The following TEX11 variants were observed in gnomAD, a reference collection of about 807,000 sequenced individuals.
The protein encoded by TEX11 is testis expressed 11, also known as testis-expressed protein 11.
Under a neutral mutation model 84.4 loss-of-function variants are expected in TEX11, and 7 were observed. The ratio of observed to expected loss-of-function variants is 0.08; its 90% confidence interval spans 0.05 to 0.16. TEX11 has a LOEUF of 0.16. Ranked by LOEUF, TEX11 falls within the 10% of genes least tolerant of loss-of-function variation. The pLI, the probability that TEX11 is intolerant of heterozygous loss-of-function variation, is 1.00. For missense variants in TEX11, 551 were observed against 660.5 expected (o/e 0.83, Z 1.82); for synonymous variants, 264 against 222.8 (o/e 1.18, Z -1.64).
At chrX:70,674,269 A>G (rs769478500) in intron 15 of TEX11, among the ~76,000 whole-genome samples, 1 of 112,354 alleles carries the variant, frequency 8.9e-6, no homozygotes, top group South Asian at 3.8e-4. Context: ...TATGGTGTAT[A>G]TGTACCACAT....
intron 13 of TEX11, among the ~76,000 whole-genome samples, chrX:70,690,849 T>A (rs2090228686): frequency 9.0e-6 from 1 of 110,832 alleles, no homozygotes; most frequent in African/African-American, 3.3e-5. Context: ...ATTGGCAGCA[T>A]AGACTAAAAA....
chrX:70,564,459 T>C (rs1428335090), intron 25 of TEX11, among the ~76,000 whole-genome samples: 1 of 109,992 alleles, frequency 9.1e-6, no homozygotes, highest in Non-Finnish European at 1.9e-5. Context: ...AATGTGCAGG[T>C]TAGTTACATA....
chrX:70,515,065 TCA>T, the TEX11 span, among the ~76,000 whole-genome samples: 145 of 87,579 alleles, frequency 1.7e-3, no homozygotes, highest in East Asian at 7.1e-3. Context: ...TGAAACTCGG[TCA>T]CACACACACA....
chrX:70,717,714 C>A (rs1020249638), intron 13 of TEX11, among the ~76,000 whole-genome samples: 2 of 111,881 alleles, frequency 1.8e-5, no homozygotes, highest in African/African-American at 3.2e-5. Context: ...TATGCTCTTG[C>A]TATAAAATTA....
At chrX:70,706,409 A>T (rs1213702272) in intron 13 of TEX11, among the ~76,000 whole-genome samples, 1 of 110,773 alleles carries the variant, frequency 9.0e-6, no homozygotes, top group Non-Finnish European at 1.9e-5. Flanking sequence ...ATACATATGT[A>T]ACAAACCTGC....
chrX:70,777,641 C>T (rs2091010688), intron 9 of TEX11, among the ~76,000 whole-genome samples: 5 of 111,556 alleles, frequency 4.5e-5, no homozygotes, highest in African/African-American at 1.3e-4. Context: ...AAGAGCAAAA[C>T]TCCATCTCAA....
chrX:70,553,246 T>C, intron 27 of TEX11, 60 bp downstream of exon 27: 1 of 769,258 alleles, frequency 1.3e-6, no homozygotes, highest in South Asian at 2.8e-5. Context: ...GATTGGTTAC[T>C]TTTGAGGCAT....
chrX:70,552,276 A>G (rs766255169), intron 27 of TEX11, 30 bp from the exon 28 acceptor site: 4 of 1,196,817 alleles, frequency 3.3e-6, no homozygotes, highest in African/African-American at 3.5e-5. Flanking sequence ...AACTCATCCC[A>G]TAAGGAAAGA....
intron 11 of TEX11, among the ~76,000 whole-genome samples, chrX:70,731,447 C>T (rs374486719): frequency 5.5e-5 from 6 of 109,967 alleles, no homozygotes; most frequent in Admixed American, 1.9e-4. Flanking sequence ...ATCAAATAGA[C>T]GCAATAAAAA....
intron 13 of TEX11, among the ~76,000 whole-genome samples, chrX:70,710,968 G>T (rs2090425867): frequency 9.3e-6 from 1 of 107,439 alleles, no homozygotes; most frequent in Non-Finnish European, 1.9e-5. Context: ...GCCCCAGTGT[G>T]TGATGTTCCT....
chrX:70,855,302 C>T (rs773046022), intron 5 of TEX11, among the ~76,000 whole-genome samples: 27 of 110,129 alleles, frequency 2.5e-4, no homozygotes, highest in Admixed American at 6.8e-4. Context: ...TGGTGGCTCA[C>T]GCCTGTAACC....
At chrX:70,830,774 A>C (rs183889623) in intron 8 of TEX11, among the ~76,000 whole-genome samples, 2 of 112,196 alleles carry the variant, frequency 1.8e-5, no homozygotes, top group East Asian at 5.6e-4. Context: ...ATCACCTCAC[A>C]TCTGTTAGAA....
At chrX:70,691,516 G>A (rs1401328032) in intron 13 of TEX11, among the ~76,000 whole-genome samples, 2 of 111,617 alleles carry the variant, frequency 1.8e-5, no homozygotes, top group East Asian at 5.6e-4. Context: ...GTGCAACAAA[G>A]TGAATAAACG....
intron 13 of TEX11, among the ~76,000 whole-genome samples, chrX:70,687,755 A>G (rs772197725): frequency 1.8e-5 from 2 of 111,106 alleles, no homozygotes; most frequent in Non-Finnish European, 3.8e-5. Flanking sequence ...CTGAAGTGGG[A>G]GGACTGCTTG....
intron 13 of TEX11, among the ~76,000 whole-genome samples, chrX:70,702,208 G>C (rs1429459290): frequency 9.0e-6 from 1 of 111,433 alleles, no homozygotes; most frequent in Non-Finnish European, 1.9e-5. Flanking sequence ...GTCAATCAAT[G>C]TGGTAAACTT....
chrX:70,647,962 ACGT>A (rs2089764066), intron 17 of TEX11, among the ~76,000 whole-genome samples: 2 of 111,857 alleles, frequency 1.8e-5, no homozygotes, highest in Non-Finnish European at 3.8e-5. Flanking sequence ...ACACATGCAC[ACGT>A]ATGTTTATTG....
chrX:70,562,847 G>T (rs1176651032), intron 25 of TEX11, among the ~76,000 whole-genome samples: 1 of 111,905 alleles, frequency 8.9e-6, no homozygotes, highest in African/African-American at 3.2e-5. Flanking sequence ...TCCAACCTCT[G>T]GCAATCACTG....
chrX:70,794,927 C>A (rs2091147158), intron 9 of TEX11, among the ~76,000 whole-genome samples: 1 of 107,088 alleles, frequency 9.3e-6, no homozygotes, highest in African/African-American at 3.4e-5. Context: ...TGGGGAGAGT[C>A]TCCTTCTGCT....
Position 70,725,250 on chromosome X carries a change from C to G in TEX11, c.925+12G>C. On this transcript the variant is annotated intron_variant, in intron 12 of 29. Transcript: ENST00000374333. ...TTCAAAATGGTGTGCTCTTCACATA[C>G]AGAGATCATACCTTCAAGGAGTTCT... The G allele has an allele frequency of 8.7e-7, 1 of 1,149,983 alleles. No individual in the cohort carries two copies. Among genetic ancestry groups the G allele is most frequent in the Non-Finnish European group, 1.2e-6 (1 of 848,828 alleles). The allele number at this position is 1,149,983 out of a possible 1,213,427, so 94.8% of individuals were successfully genotyped here.
Sources: allele counts gnomAD v4.1 joint callset (sites outside exome capture counted in the v4.1 genomes callset), GRCh38; gene constraint gnomAD v4.1.1; transcripts MANE v1.5; gene names NCBI Gene and HGNC (gene_info 2026-07-23, HGNC 2026-07-21).